The following PADI1 variants were observed in gnomAD, a reference collection of about 807,000 sequenced individuals.
The protein encoded by PADI1 is peptidyl arginine deiminase 1.
Under a neutral mutation model 74.8 loss-of-function variants are expected in PADI1, and 65 were observed. That is an observed-to-expected ratio of 0.87 (90% CI 0.71 to 1.07). PADI1 has a LOEUF of 1.07. Ranked by LOEUF, PADI1 falls within the 50% of genes least tolerant of loss-of-function variation. PADI1 has a pLI of 0.00. For synonymous variants in PADI1, 371 were observed against 336.2 expected (o/e 1.10, Z -1.13); for missense variants, 943 against 854.0 (o/e 1.10, Z -1.30).
intron 11 of PADI1, among the ~76,000 whole-genome samples, chr1:17,235,068 G>A (rs2072595628): frequency 6.8e-6 from 1 of 146,122 alleles, no homozygotes; most frequent in Non-Finnish European, 1.5e-5. Flanking sequence ...GCTGAGCTAA[G>A]ATCAAGCCAC....
At chr1:17,242,928 T>C (rs988397159) in intron 15 of PADI1, among the ~76,000 whole-genome samples, 3 of 151,756 alleles carry the variant, frequency 2.0e-5, no homozygotes, top group Non-Finnish European at 2.9e-5. Context: ...GGCCCATTAG[T>C]GGGCAAAGAG....
At chr1:17,225,768 C>T (rs1385774390) in intron 4 of PADI1, 43 bp from the exon 5 acceptor site, 4 of 1,473,424 alleles carry the variant, frequency 2.7e-6, no homozygotes, top group Non-Finnish European at 3.8e-6. Context: ...TTCCTGGAGC[C>T]TCCTGGGTCC....
intron 8 of PADI1, among the ~76,000 whole-genome samples, chr1:17,229,819 G>A (rs2072435402): frequency 6.6e-6 from 1 of 152,190 alleles, no homozygotes; most frequent in Non-Finnish European, 1.5e-5. Flanking sequence ...TCACCTCTGT[G>A]GCGACTTCCC....
At chr1:17,236,749 T>C (rs572887656) in intron 11 of PADI1, among the ~76,000 whole-genome samples, 33 of 145,108 alleles carry the variant, frequency 2.3e-4, no homozygotes, top group Non-Finnish European at 3.6e-4. Flanking sequence ...TGAGACCTTG[T>C]CTCAAAAAAA....
At chr1:17,215,830 C>A (rs923235960) in intron 1 of PADI1, among the ~76,000 whole-genome samples, 5 of 152,200 alleles carry the variant, frequency 3.3e-5, no homozygotes, top group African/African-American at 1.2e-4. Flanking sequence ...GAAAAAAAAT[C>A]TCTGCATTTT....
chr1:17,227,562 TAAATAAATAAATAA>T, intron 6 of PADI1, among the ~76,000 whole-genome samples: 2 of 151,416 alleles, frequency 1.3e-5, no homozygotes, highest in Non-Finnish European at 2.9e-5. Context: ...AATAAATAAA[TAAATAAATAAATAA>T]ATAAATTACC....
Position 17,230,663 on chromosome 1 carries a change from C to T in PADI1, c.1145C>T (p.Pro382Leu), listed in dbSNP as rs1426450716. ...SPRNRGLKDF[P>L]YKRILGPDFG... ...AGGAACAGGGGCCTGAAAGATTTCCCCTATAAGAGGATCCTGGTACGTAGC... is the reference window on the plus strand; with the variant it reads ...AGGAACAGGGGCCTGAAAGATTTCCTCTATAAGAGGATCCTGGTACGTAGC... The change falls in exon 10 of 16, where the codon CCC becomes CTC. Residue 382 changes from proline (P) to leucine (L), a missense_variant. Physicochemically the swap from Pro to Leu is moderately conservative, Grantham distance 98. Coordinates refer to ENST00000375471, the MANE Select transcript of PADI1 (RefSeq NM_013358.3). The T allele has an allele frequency of 2.5e-6, 4 of 1,605,184 alleles. No homozygotes were observed. The highest frequency in any genetic ancestry group is 3.4e-6 in the Non-Finnish European group (4 of 1,172,910).
intron 10 of PADI1, 50 bp from the exon 11 acceptor site, chr1:17,232,769 C>T (rs777939129): frequency 1.3e-6 from 2 of 1,562,324 alleles, no homozygotes; most frequent in Admixed American, 3.6e-5. Flanking sequence ...TCGTCCTGTC[C>T]TCACTGACCT....
chr1:17,244,777 C>A lies in PADI1; in HGVS notation c.*534C>A. The A allele has an allele frequency of 6.2e-6, 2 of 322,014 alleles. No individual in the cohort carries two copies. Among genetic ancestry groups the A allele is most frequent in the South Asian group, 5.2e-5 (2 of 38,194 alleles). The allele number at this position is 322,014 out of a possible 1,614,324, so 19.9% of individuals were successfully genotyped here. On this transcript the variant is annotated 3_prime_UTR_variant, in exon 16 of 16. Transcript: ENST00000375471. ...CCAAGGCTGTGACACTTACCTCCACCCCCATCCAGCACCCTTCAGCTGTGT... is the reference window on the plus strand; with the variant it reads ...CCAAGGCTGTGACACTTACCTCCACACCCATCCAGCACCCTTCAGCTGTGT...
intron 10 of PADI1, 63 bp downstream of exon 10, chr1:17,230,742 A>G: frequency 1.1e-6 from 1 of 897,714 alleles, no homozygotes; most frequent in Non-Finnish European, 1.8e-6. Flanking sequence ...GCACCAGTGA[A>G]GTCTCATCTG....
At chr1:17,212,578 C>A (rs4920358) in intron 1 of PADI1, among the ~76,000 whole-genome samples, 46,038 of 152,136 alleles carry the variant, frequency 0.3, 8,661 homozygotes, top group African/African-American at 0.53. Context: ...AGCTGTTGAC[C>A]TAAGATTTGG....
chr1:17,226,476 C>T (rs1283964372), intron 6 of PADI1, among the ~76,000 whole-genome samples: 1 of 152,210 alleles, frequency 6.6e-6, no homozygotes, highest in Non-Finnish European at 1.5e-5. Flanking sequence ...CCCGTTCCCT[C>T]CTCTGGTCAA....
intron 1 of PADI1, among the ~76,000 whole-genome samples, chr1:17,212,097 G>A (rs550637641): frequency 1.4e-4 from 22 of 152,300 alleles, no homozygotes; most frequent in African/African-American, 3.8e-4. Context: ...TGGAGCTCAC[G>A]GGGTGGCGGC....
At chr1:17,218,903 C>T (rs1040225972) in intron 1 of PADI1, among the ~76,000 whole-genome samples, 2 of 151,064 alleles carry the variant, frequency 1.3e-5, no homozygotes, top group African/African-American at 2.4e-5. Flanking sequence ...GGCAGGAGGG[C>T]TGGGAGATGA....
intron 10 of PADI1, among the ~76,000 whole-genome samples, chr1:17,231,431 G>A (rs2072488192): frequency 6.6e-6 from 1 of 152,272 alleles, no homozygotes; most frequent in Non-Finnish European, 1.5e-5. Flanking sequence ...CCTGTTTCCC[G>A]GCTCCCACTC....
Position 17,223,689 on chromosome 1 carries a change from C to T in PADI1, c.342C>T (p.Gly114=), listed in dbSNP as rs1301510021. The T allele has an allele frequency of 6.8e-6, 11 of 1,613,504 alleles. No individual in the cohort carries two copies. The highest frequency in any genetic ancestry group is 4.0e-5 in the African/African-American group (3 of 74,922). ...GCCGCAGCGTGCTTTACCTCACTGG[C>T]GTCGGTAAGTAGCAGCTCCCTGGCT... is the stretch of plus-strand genomic sequence containing the variant. ...ALGRSVLYLT[G]VDISLEVDTG... The change falls in exon 3 of 16, where the codon GGC becomes GGT. Residue 114 remains glycine, a synonymous_variant. Transcript: ENST00000375471.
chr1:17,212,580 A>G (rs762500481), intron 1 of PADI1, among the ~76,000 whole-genome samples: 27 of 152,172 alleles, frequency 1.8e-4, no homozygotes, highest in Non-Finnish European at 3.8e-4. Context: ...CTGTTGACCT[A>G]AGATTTGGCC....
At chr1:17,215,396 G>GTCATCATCA (rs1341282249) in intron 1 of PADI1, among the ~76,000 whole-genome samples, 8 of 135,366 alleles carry the variant, frequency 5.9e-5, no homozygotes, top group East Asian at 1.9e-4. Flanking sequence ...CATCATCATC[G>GTCATCATCA]TCATCATCAT....
intron 1 of PADI1, among the ~76,000 whole-genome samples, chr1:17,211,914 G>A (rs548508984): frequency 7.9e-5 from 12 of 152,356 alleles, no homozygotes; most frequent in South Asian, 2.1e-4. Context: ...AAAACCCTCC[G>A]TAGACTCTGT....
Sources: gnomAD v4.1 joint callset for allele counts (sites outside exome capture counted in the v4.1 genomes callset) on GRCh38, gnomAD v4.1.1 for gene constraint, MANE v1.5 for transcripts, NCBI Gene and HGNC (gene_info 2026-07-23, HGNC 2026-07-21) for gene names.